FAM131A: variants seen among roughly 807,000 people sequenced by gnomAD.
FAM131A encodes the protein protein FAM131A.
FAM131A carries 24 observed loss-of-function variants against 39.2 expected under a neutral mutation model. The ratio of observed to expected loss-of-function variants is 0.61; its 90% CI spans 0.44 to 0.86. FAM131A has a LOEUF of 0.86. Among genes scored for constraint, FAM131A ranks in the 40% least tolerant of loss-of-function variants. The pLI is 0.00. For synonymous variants in FAM131A, 202 were observed against 206.8 expected (o/e 0.98, Z 0.20); for missense variants, 373 against 481.2 (o/e 0.78, Z 2.10).
At chr3:184,337,768 C>T (rs1002543681) in intron 1 of FAM131A, 50 bp downstream of exon 1, 7 of 1,503,162 alleles carry the variant, frequency 4.7e-6, no homozygotes, top group South Asian at 1.2e-5. Flanking sequence ...GGAAGCTGAG[C>T]AGTAGGGTGC....
Position 184,344,816 on chromosome 3 carries a change from C to A in FAM131A, c.947C>A (p.Ser316Tyr), listed in dbSNP as rs926071707. The A allele has an allele frequency of 1.9e-6, 3 of 1,612,078 alleles. No individual in the cohort carries two copies. Among genetic ancestry groups the A allele is most frequent in the Admixed American group, 3.3e-5 (2 of 60,026 alleles). The part of the protein sequence containing the change: ...YNSPLTESCL[S>Y]PAEEEPAPCK... Reference sequence around the variant, plus strand: ...TCGCCCCTCACAGAGTCCTGCCTTTCCCCCGCGGAGGAGGAGCCAGCCCCC... The same window carrying A: ...TCGCCCCTCACAGAGTCCTGCCTTTACCCCGCGGAGGAGGAGCCAGCCCCC... Residue 316 changes from serine (S) to tyrosine (Y), a missense_variant, in exon 6 of 6, where the codon TCC (serine) becomes TAC (tyrosine). Physicochemically the swap from Ser to Tyr is moderately radical, Grantham distance 144. Coordinates refer to ENST00000383847, the MANE Select transcript of FAM131A (RefSeq NM_144635.5).
chr3:184,338,471 T>C lies in FAM131A; in HGVS notation c.173T>C (p.Leu58Pro). 1 of 1,535,150 alleles carries C rather than the reference T, an allele frequency of 6.5e-7. No homozygotes were observed. The highest frequency in any genetic ancestry group is 8.7e-7 in the Non-Finnish European group (1 of 1,145,976). ...TCCTCTTTGGGATCTGCTCGAACCC[T>C]CCGAGGCTGGAGCAGGTCCTCCCGC... is the stretch of plus-strand genomic sequence containing the variant. ...SLSSLGSART[L>P]RGWSRSSRPS... The change falls in exon 2 of 6, where the codon CTC becomes CCC. Residue 58 changes from leucine to proline, a missense_variant. By Grantham distance (98) the Leu-to-Pro change is moderately conservative (BLOSUM62 -3). Coordinates refer to ENST00000383847, the MANE Select transcript of FAM131A (RefSeq NM_144635.5).
Position 184,345,263 on chromosome 3 carries a change from CA to C in FAM131A, c.*294del. The C allele has an allele frequency of 1.8e-6, 1 of 559,594 alleles. No individual in the cohort carries two copies. Among genetic ancestry groups the C allele is most frequent in the East Asian group, 3.1e-5 (1 of 32,620 alleles). The allele number at this position is 559,594 out of a possible 1,614,324, so 34.7% of individuals were successfully genotyped here. A position where few individuals can be genotyped will look rare whatever the true frequency, so the allele number is the denominator to read the frequency against. On this transcript the variant is annotated 3_prime_UTR_variant, in exon 6 of 6. Transcript: ENST00000383847. ...TGATGTTCATGTTCTTAAAATGCCA[CA>C]CACACATTTCCTCCTCGGATAATGT... is the stretch of plus-strand genomic sequence containing the variant.
Position 184,342,288 on chromosome 3 carries a change from G to A in FAM131A, c.508+40G>A. On this transcript the variant is annotated intron_variant, in intron 4 of 5. Coordinates refer to ENST00000383847, the MANE Select transcript of FAM131A (RefSeq NM_144635.5). This position sits in a 1 kb window ranked among gnomAD's most constrained non-coding sequence, Gnocchi z 4.6. ...GGGGATAAGCTACACTCTTGGCACA[G>A]GGCTGCTTTCTTTCTTTATTTTATT... 6.5e-7 allele frequency: 1 copy of A among 1,528,806 alleles called. No individual in the cohort carries two copies. The highest frequency in any genetic ancestry group is 8.7e-7 in the Non-Finnish European group (1 of 1,144,160). The allele number at this position is 1,528,806 out of a possible 1,614,324, so 94.7% of individuals were successfully genotyped here.
At chr3:184,340,128 A>T (rs1349844743) in intron 2 of FAM131A, 2 of 151,736 alleles carry the variant, frequency 1.3e-5, no homozygotes, top group African/African-American at 4.8e-5. Flanking sequence ...AGTAGCTGGG[A>T]TAACAGGCAC....
rs377053634 is a variant in FAM131A, at chr3:184,344,733, C to G, written c.864C>G (p.Ser288Arg). Reference sequence around the variant, plus strand: ...TGCTTCTCGCCAAACTGCCCCCCAGCCGGGAAAGTGCCTTCCGCAGCCTGG... The same window carrying G: ...TGCTTCTCGCCAAACTGCCCCCCAGGCGGGAAAGTGCCTTCCGCAGCCTGG... ...DELLLAKLPP[S>R]RESAFRSLGP... Residue 288 changes from serine (S) to arginine (R), a missense_variant, in exon 6 of 6, where the codon AGC becomes AGG. Ser to Arg is a moderately radical substitution (Grantham distance 110, BLOSUM62 -1). Coordinates refer to ENST00000383847, the MANE Select transcript of FAM131A (RefSeq NM_144635.5). The G allele has an allele frequency of 6.2e-7, 1 of 1,612,210 alleles. No homozygotes were observed. The highest frequency in any genetic ancestry group is 1.3e-5 in the African/African-American group (1 of 74,920).
At position 184,341,277 on chromosome 3, in the gene FAM131A, G is replaced by A. The variant is rs975635915; in HGVS notation, c.232-447G>A. 3 of 218,894 alleles carry A rather than the reference G, an allele frequency of 1.4e-5. No individual in the cohort carries two copies. In the East Asian group the frequency reaches 4.0e-4, roughly 29 times the overall value. The allele number at this position is 218,894 out of a possible 1,614,324, so 13.6% of individuals were successfully genotyped here. On this transcript the variant is annotated intron_variant, in intron 2 of 5. Transcript: ENST00000383847. ...GCAGGGCCAGACGTGGGGAGAAGGT[G>A]TGGGGGTTTGGTTTCCATCTTGCCG...
In FAM131A at chr3:184,346,104, G is replaced by C; in HGVS notation, c.*1134G>C. ...GTTTTTATGGTTGTGGGAAGGGTGG[G>C]TGGCTTTAGAATTAAGGGCCTTGTA... On this transcript the variant is annotated 3_prime_UTR_variant, in exon 6 of 6. Transcript: ENST00000383847. This position sits in a 1 kb window ranked among gnomAD's most constrained non-coding sequence, Gnocchi z 6.0. The C allele has an allele frequency of 5.3e-6, 1 of 187,986 alleles. No homozygotes were observed. The highest frequency in any genetic ancestry group is 1.1e-5 in the Non-Finnish European group (1 of 89,100). 11.6% of individuals were successfully genotyped at this position (187,986 alleles called of 1,614,324 possible). A position where few individuals can be genotyped will look rare whatever the true frequency, so the allele number is the denominator to read the frequency against.
At chr3:184,344,291 G>C (rs953270695) in intron 5 of FAM131A, among the ~76,000 whole-genome samples, 1 of 152,076 alleles carries the variant, frequency 6.6e-6, no homozygotes, top group African/African-American at 2.4e-5. Context: ...ACCTGTGTGC[G>C]AGACTCTTGT....
rs1438412973 is a variant in FAM131A, at chr3:184,345,090, G to A, written c.*120G>A. On this transcript the variant is annotated 3_prime_UTR_variant, in exon 6 of 6. Coordinates refer to ENST00000383847, the MANE Select transcript of FAM131A (RefSeq NM_144635.5). Reference sequence around the variant, plus strand: ...TCCACAGCCTAGAGGGCTCCTGGGAGCGCTCGCTTCTCCGTTGTGTGTTTT... The same window carrying A: ...TCCACAGCCTAGAGGGCTCCTGGGAACGCTCGCTTCTCCGTTGTGTGTTTT... 1.3e-5 allele frequency: 12 copies of A among 957,110 alleles called. No individual in the cohort carries two copies. The highest frequency in any genetic ancestry group is 1.8e-5 in the Non-Finnish European group (12 of 666,016). The allele number at this position is 957,110 out of a possible 1,614,324, so 59.3% of individuals were successfully genotyped here.
In FAM131A at chr3:184,344,560, C is replaced by A. The variant is rs772407913; in HGVS notation, c.691C>A (p.Arg231=). ...QDLFTGHRFS[R]PVRQGSVEPE... The stretch of plus-strand genomic sequence containing the variant: ...CCTGTTCACCGGCCACCGGTTCTCC[C>A]GGCCTGTGCGCCAGGGCTCCGTGGA... Residue 231 remains arginine (R), a synonymous_variant, in exon 6 of 6, where the codon CGG becomes AGG. Transcript: ENST00000383847. 1 of 1,602,232 alleles carries A rather than the reference C, an allele frequency of 6.2e-7. No individual in the cohort carries two copies. The highest frequency in any genetic ancestry group is 2.2e-5 in the East Asian group (1 of 44,734).
chr3:184,336,217 G>C (rs1372370348), upstream of FAM131A: 1 of 152,768 alleles, frequency 6.5e-6, no homozygotes, highest in Non-Finnish European at 1.5e-5. The surrounding 1 kb of genome is among the most constrained non-coding windows in gnomAD (Gnocchi z 5.5). Flanking sequence ...GAGGGGGCCG[G>C]TGTCGGGAGA....
Position 184,342,677 on chromosome 3 carries a change from C to G in FAM131A, c.509-67C>G. On this transcript the variant is annotated intron_variant, in intron 4 of 5. Transcript: ENST00000383847. The surrounding 1 kb of genome is among the most constrained non-coding windows in gnomAD (Gnocchi z 4.6). ...TTCCCATACCCTGTTTCTCCTCTCT[C>G]CTGTCTTCAAGCTGAGCCCTAGACT... 1 of 1,412,698 alleles carries G rather than the reference C, an allele frequency of 7.1e-7. No individual in the cohort carries two copies. The highest frequency in any genetic ancestry group is 1.2e-5 in the South Asian group (1 of 83,224). 87.5% of individuals were successfully genotyped at this position (1,412,698 alleles called of 1,614,324 possible). A position where few individuals can be genotyped will look rare whatever the true frequency, so the allele number is the denominator to read the frequency against.
intron 5 of FAM131A, chr3:184,343,165 C>T (rs1448075344): frequency 8.5e-6 from 2 of 234,712 alleles, no homozygotes; most frequent in Admixed American, 5.0e-5. Flanking sequence ...TCAAGGACAC[C>T]TTCTGTGCAG....
Position 184,342,913 on chromosome 3 carries a change from C to T in FAM131A, c.625+53C>T. 1 of 1,476,790 alleles carries T rather than the reference C, an allele frequency of 6.8e-7. No individual in the cohort carries two copies. Among genetic ancestry groups the T allele is most frequent in the Non-Finnish European group, 9.4e-7 (1 of 1,058,292 alleles). The allele number at this position is 1,476,790 out of a possible 1,614,324, so 91.5% of individuals were successfully genotyped here. A position where few individuals can be genotyped will look rare whatever the true frequency, so the allele number is the denominator to read the frequency against. On this transcript the variant is annotated intron_variant, in intron 5 of 5. Coordinates refer to ENST00000383847, the MANE Select transcript of FAM131A (RefSeq NM_144635.5). The surrounding 1 kb of genome is among the most constrained non-coding windows in gnomAD (Gnocchi z 4.6). Reference sequence around the variant, plus strand: ...GGTGGACCCACCTGATAGACCTTGGCATTCTTTCAGAGCCACATCCAGAAC... The same window carrying T: ...GGTGGACCCACCTGATAGACCTTGGTATTCTTTCAGAGCCACATCCAGAAC...
intron 2 of FAM131A, chr3:184,341,497 G>C (rs1727375837): frequency 8.6e-6 from 5 of 583,734 alleles, no homozygotes; most frequent in Non-Finnish European, 3.1e-6. Context: ...AGGATTAGCT[G>C]AAGTTTTGCT....
At chr3:184,337,238 C>T (rs1028709015), upstream of FAM131A, 4 of 194,318 alleles carry the variant, frequency 2.1e-5, no homozygotes, top group Admixed American at 5.8e-5. Flanking sequence ...GGACTGGCCT[C>T]GAGAGCCCTG....
Position 184,344,821 on chromosome 3 carries a change from G to T in FAM131A, c.952G>T (p.Ala318Ser). The T allele has an allele frequency of 6.2e-7, 1 of 1,611,952 alleles. No homozygotes were observed. The highest frequency in any genetic ancestry group is 8.5e-7 in the Non-Finnish European group (1 of 1,179,878). The change falls in exon 6 of 6, where the codon GCG becomes TCG. Residue 318 changes from alanine to serine, a missense_variant. Physicochemically the swap from Ala to Ser is moderately conservative, Grantham distance 99. This residue lies in a region of FAM131A where 152 missense variants were observed against 133.5 expected (regional missense o/e 1.14). Coordinates refer to ENST00000383847, the MANE Select transcript of FAM131A (RefSeq NM_144635.5). ...SPLTESCLSP[A>S]EEEPAPCKDC... ...CCTCACAGAGTCCTGCCTTTCCCCCGCGGAGGAGGAGCCAGCCCCCTGCAA... is the reference window on the plus strand; with the variant it reads ...CCTCACAGAGTCCTGCCTTTCCCCCTCGGAGGAGGAGCCAGCCCCCTGCAA...
chr3:184,345,909 A>G lies in FAM131A; in HGVS notation c.*939A>G, dbSNP rs1456711005. 3 of 385,184 alleles carry G rather than the reference A, an allele frequency of 7.8e-6. No individual in the cohort carries two copies. The highest frequency in any genetic ancestry group is 1.4e-5 in the Non-Finnish European group (3 of 215,662). 23.9% of individuals were successfully genotyped at this position (385,184 alleles called of 1,614,324 possible). On this transcript the variant is annotated 3_prime_UTR_variant, in exon 6 of 6. Transcript: ENST00000383847. Reference sequence around the variant, plus strand: ...CTGAGAGGCAGGAATTGTGCCAGTGAGTGACAGTCATGAGGGAGTGTCTCT... The same window carrying G: ...CTGAGAGGCAGGAATTGTGCCAGTGGGTGACAGTCATGAGGGAGTGTCTCT...
Sources: allele counts gnomAD v4.1 joint callset (sites outside exome capture counted in the v4.1 genomes callset), GRCh38; gene constraint gnomAD v4.1.1; regional missense constraint gnomAD v4.1.1; non-coding constraint Gnocchi (gnomAD v3.1); transcripts MANE v1.5; gene names NCBI Gene and HGNC (gene_info 2026-07-23, HGNC 2026-07-21).